MKS1: variants seen among roughly 807,000 people sequenced by gnomAD.
MKS1 encodes the protein tectonic-like complex member MKS1.
Under a neutral mutation model 83.7 loss-of-function variants are expected in MKS1, and 70 were observed. The observed-to-expected ratio is 0.84, with a 90% CI of 0.69 to 1.02. MKS1 has a LOEUF of 1.02. MKS1 is among the 50% of genes least tolerant of loss of function. The probability of loss-of-function intolerance (pLI) is 0.00; values close to 1 mark genes in which losing one functional copy is unlikely to be tolerated. For synonymous variants in MKS1, 251 were observed against 273.4 expected, an observed-to-expected ratio of 0.92 and a Z score of 0.81; for missense variants, 681 against 726.9, an observed-to-expected ratio of 0.94 and a Z score of 0.73.
intron 7 of MKS1, 141 bp from the exon 8 acceptor site, chr17:58,213,231 C>G (rs1392456169): frequency 2.2e-5 from 18 of 806,850 alleles, no homozygotes; most frequent in Non-Finnish European, 3.5e-5. Flanking sequence ...TATTGACGAC[C>G]AGGAGAGAGA....
intron 6 of MKS1, 52 bp from the exon 7 acceptor site, chr17:58,213,921 A>C (rs1969034885): frequency 1.4e-6 from 2 of 1,458,218 alleles, no homozygotes; most frequent in African/African-American, 2.8e-5. Context: ...TCAGGGAAAC[A>C]AGAAGAGATA....
At chr17:58,216,366 C>A in intron 3 of MKS1, 123 bp from the exon 4 acceptor site, 2 of 1,103,624 alleles carry the variant, frequency 1.8e-6, no homozygotes, top group South Asian at 1.3e-5. Flanking sequence ...TTTTCATAAC[C>A]AACACTAAAC....
rs73329640 is a variant in MKS1, at chr17:58,219,007, G to A, written c.80+144C>T. The A allele has an allele frequency of 5.0e-6, 6 of 1,210,580 alleles. No individual in the cohort carries two copies. The African/African-American group carries it at 6.0e-5, about 12-fold the overall frequency. 75.0% of individuals were successfully genotyped at this position (1,210,580 alleles called of 1,614,324 possible). ...TCTTAGAGGCTGTGAGTGGATGGGG[G>A]TACGGATAGTGAAAGAAGTGGGGAG... On this transcript the variant is annotated intron_variant, in intron 1 of 17. Transcript: ENST00000393119.
In MKS1 at chr17:58,214,791, C is replaced by T. The variant is rs763755799; in HGVS notation, c.465G>A (p.Leu155=). The change falls in exon 5 of 18, where the codon TTG becomes TTA. Residue 155 remains leucine, a synonymous_variant. Transcript: ENST00000393119. ...TTAASEVPSF[L]VERMANVRRR... ...GCCTGACATTTGCCATTCGCTCGACCAAGAATGAAGGCACCTCGCTGGCTG... is the reference window on the plus strand; with the variant it reads ...GCCTGACATTTGCCATTCGCTCGACTAAGAATGAAGGCACCTCGCTGGCTG... The T allele has an allele frequency of 1.2e-6, 2 of 1,606,968 alleles. No homozygotes were observed. The highest frequency in any genetic ancestry group is 3.3e-5 in the Admixed American group (2 of 59,966).
intron 2 of MKS1, among the ~76,000 whole-genome samples, chr17:58,218,237 A>G (rs1015562163): frequency 6.6e-6 from 1 of 152,020 alleles, no homozygotes; most frequent in African/African-American, 2.4e-5. Flanking sequence ...TCACGAGGTC[A>G]GGAGATCGAG....
chr17:58,213,155 C>G, intron 7 of MKS1, 65 bp from the exon 8 acceptor site: 1 of 1,503,356 alleles, frequency 6.7e-7, no homozygotes, highest in Middle Eastern at 1.7e-4. Flanking sequence ...GGGATAGCTC[C>G]CAGCCCAGGG....
At position 58,214,362 on chromosome 17, in the gene MKS1, T is replaced by C. The variant is rs764242484; in HGVS notation, c.541A>G (p.Ile181Val). Reference protein sequence around the residue: ...GMEGGILKSRIVTWEPSEEFV... With the variant: ...GMEGGILKSRVVTWEPSEEFV... ...TCTTCTGAGGGCTCCCAGGTGACGA[T>C]GCGTGACTTGAGGATGCCGCCCTCC... is the stretch of plus-strand genomic sequence containing the variant. The change falls in exon 6 of 18, where the codon ATC (isoleucine) becomes GTC (valine). Residue 181 changes from isoleucine to valine, a missense_variant. This residue lies in a region of MKS1 where 365 missense variants were observed against 383.8 expected (regional missense o/e 0.95). Transcript: ENST00000393119. The C allele has an allele frequency of 6.2e-6, 10 of 1,613,650 alleles. No homozygotes were observed. Among genetic ancestry groups the C allele is most frequent in the South Asian group, 1.1e-5 (1 of 91,052 alleles).
At position 58,217,694 on chromosome 17, in the gene MKS1, A is replaced by C. The variant is rs949896434; in HGVS notation, c.190+926T>G. On this transcript the variant is annotated intron_variant, in intron 2 of 17. Coordinates refer to ENST00000393119, the MANE Select transcript of MKS1 (RefSeq NM_017777.4). ...TGAGTGTGAGTCTGTAGTCCCAGCT[A>C]GTTGGGAGGCTGAGGCAGGAGGATG... Among the ~76,000 whole-genome samples the C allele has an allele frequency of 7.9e-5, 12 of 152,296 alleles. No individual in the cohort carries two copies. In the East Asian group the frequency reaches 2.3e-3, roughly 29 times the overall value.
At position 58,205,472 on chromosome 17, in the gene MKS1, C is replaced by CA; in HGVS notation, c.*606dup. The CA allele has an allele frequency of 2.4e-6, 3 of 1,249,310 alleles. No individual in the cohort carries two copies. Among genetic ancestry groups the CA allele is most frequent in the Non-Finnish European group, 3.1e-6 (3 of 968,108 alleles). The allele number at this position is 1,249,310 out of a possible 1,614,324, so 77.4% of individuals were successfully genotyped here. On this transcript the variant is annotated 3_prime_UTR_variant, in exon 18 of 18. Transcript: ENST00000393119. ...TAAAAGGGGTTTATGTAACAAAAAACAAAAAAACAAACAAACAAAAAAACA... is the reference window on the plus strand; with the variant it reads ...TAAAAGGGGTTTATGTAACAAAAAACAAAAAAAACAAACAAACAAAAAAACA...
intron 2 of MKS1, 173 bp downstream of exon 2, chr17:58,218,447 C>CAAAAAAAAAAAAAAAAAA (rs67834721): frequency 1.6e-5 from 4 of 242,482 alleles, no homozygotes; most frequent in Non-Finnish European, 2.2e-5. Context: ...GACTCCGTCT[C>CAAAAAAAAAAAAAAAAAA]AAAAAAAAAA....
chr17:58,219,072 C>T, intron 1 of MKS1, 79 bp downstream of exon 1: 2 of 1,524,284 alleles, frequency 1.3e-6, no homozygotes, highest in Non-Finnish European at 8.8e-7. Context: ...AAAGTGGGGA[C>T]CTCAGAACAC....
chr17:58,205,753 C>G lies in MKS1; in HGVS notation c.*326G>C, dbSNP rs1377943409. On this transcript the variant is annotated 3_prime_UTR_variant, in exon 18 of 18. Transcript: ENST00000393119. ...CAGCAGATCCCCTGCTACTGTGAGA[C>G]AAGCCAGAAAAGTGAGTCAAGGCCA... The G allele has an allele frequency of 2.2e-6, 3 of 1,393,132 alleles. No individual in the cohort carries two copies. Among genetic ancestry groups the G allele is most frequent in the Non-Finnish European group, 2.9e-6 (3 of 1,047,700 alleles). 86.3% of individuals were successfully genotyped at this position (1,393,132 alleles called of 1,614,324 possible). A position where few individuals can be genotyped will look rare whatever the true frequency, so the allele number is the denominator to read the frequency against.
In MKS1 at chr17:58,206,547, CCT is replaced by C. The variant is rs1968523602; in HGVS notation, c.1408-2_1408-1del. 1.2e-6 allele frequency: 2 copies of C among 1,612,010 alleles called. No individual in the cohort carries two copies. Among genetic ancestry groups the C allele is most frequent in the African/African-American group, 1.3e-5 (1 of 74,898 alleles). On this transcript the variant is annotated splice_acceptor_variant, in intron 15 of 17. Coordinates refer to ENST00000393119, the MANE Select transcript of MKS1 (RefSeq NM_017777.4). LOFTEE classifies it high-confidence loss of function. ...AGTCCAAAGCGGCTCAGGCGTTCCC[CCT>C]GTGGCATGCCATTGGGACAGCCTCA...
At chr17:58,213,616 A>G (rs1316842137) in intron 7 of MKS1, 149 bp downstream of exon 7, 2 of 724,864 alleles carry the variant, frequency 2.8e-6, no homozygotes, top group African/African-American at 1.7e-5. Context: ...CTAAGGCCCT[A>G]TGACTTGGAA....
chr17:58,208,425 C>T (rs913516438), intron 12 of MKS1, 88 bp downstream of exon 12: 26 of 1,461,394 alleles, frequency 1.8e-5, no homozygotes, highest in East Asian at 1.4e-4. Context: ...CTCCCCAGGG[C>T]GCACAGCACT....
chr17:58,205,539 T>C lies in MKS1; in HGVS notation c.*540A>G, dbSNP rs1968450953. 7.7e-7 allele frequency: 1 copy of C among 1,303,876 alleles called. No homozygotes were observed. The highest frequency in any genetic ancestry group is 2.3e-5 in the Admixed American group (1 of 43,440). The allele number at this position is 1,303,876 out of a possible 1,614,324, so 80.8% of individuals were successfully genotyped here. On this transcript the variant is annotated 3_prime_UTR_variant, in exon 18 of 18. Transcript: ENST00000393119. Reference sequence around the variant, plus strand: ...CCAGCTAGCAGAAAGGACTCAGCACTGCCTTCAGCCTTCACTTACTCAGAA... The same window carrying C: ...CCAGCTAGCAGAAAGGACTCAGCACCGCCTTCAGCCTTCACTTACTCAGAA...
intron 5 of MKS1, 113 bp downstream of exon 5, chr17:58,214,628 A>T: frequency 9.0e-7 from 1 of 1,108,778 alleles, no homozygotes; most frequent in Non-Finnish European, 1.2e-6. Context: ...TTTTTAAATT[A>T]ATTACAAAGT....
At chr17:58,208,075 A>G in intron 13 of MKS1, 30 bp downstream of exon 13, 6 of 1,609,594 alleles carry the variant, frequency 3.7e-6, no homozygotes, top group Middle Eastern at 3.3e-4. Context: ...AGGGGAACCA[A>G]GGCCCAGGAT....
In MKS1 at chr17:58,216,154, C is replaced by G. The variant is rs370781583; in HGVS notation, c.351G>C (p.Ser117=). ...AGATTCGTCGGTTTTTCTTGCCACC[C>G]GAATTCTCCAGCTTCAGGATCTCCT... ...YRQEILKLEN[S]GGKKNRRIFT... The change falls in exon 4 of 18, where the codon TCG becomes TCC. Residue 117 remains serine, a synonymous_variant. Coordinates refer to ENST00000393119, the MANE Select transcript of MKS1 (RefSeq NM_017777.4). 3 of 1,614,052 alleles carry G rather than the reference C, an allele frequency of 1.9e-6. No homozygotes were observed. Among genetic ancestry groups the G allele is most frequent in the Admixed American group, 3.3e-5 (2 of 60,004 alleles).
Sources: gnomAD v4.1 joint callset for allele counts (sites outside exome capture counted in the v4.1 genomes callset) on GRCh38, gnomAD v4.1.1 for gene constraint, gnomAD v4.1.1 regional missense constraint, MANE v1.5 for transcripts, NCBI Gene and HGNC (gene_info 2026-07-23, HGNC 2026-07-21) for gene names.